The following BST1 variants were observed in gnomAD, a reference collection of about 807,000 sequenced individuals.
BST1 encodes the protein bone marrow stromal cell antigen 1.
A neutral mutation model predicts 40.6 loss-of-function variants in BST1; 49 were observed. That is an observed-to-expected ratio of 1.21 (90% CI 0.96 to 1.53). The LOEUF is 1.53. BST1 is among the 40% of genes most tolerant of loss of function. The pLI, the probability that BST1 is intolerant of heterozygous loss-of-function variation, is 0.00. For missense variants in BST1, 423 were observed against 395.9 expected (o/e 1.07, Z -0.58); for synonymous variants, 157 against 159.3 (o/e 0.99, Z 0.11).
At chr4:15,703,375 A>G (rs1217591931) in intron 1 of BST1, 43 bp downstream of exon 1, 3 of 1,456,680 alleles carry the variant, frequency 2.1e-6, no homozygotes, top group African/African-American at 1.5e-5. Context: ...GAAAGAGGCA[A>G]CGGTGGGGAG....
At chr4:15,706,376 T>C (rs1719882083) in intron 2 of BST1, among the ~76,000 whole-genome samples, 1 of 152,198 alleles carries the variant, frequency 6.6e-6, no homozygotes, top group African/African-American at 2.4e-5. Context: ...CCTTGAGTAA[T>C]TCAGAAAACT....
downstream of BST1, among the ~76,000 whole-genome samples, chr4:15,733,456 T>A (rs1262125797): frequency 6.6e-6 from 1 of 152,118 alleles, no homozygotes; most frequent in Non-Finnish European, 1.5e-5. Context: ...GCATTTACAA[T>A]CCTTTAGCTA....
intron 8 of BST1, among the ~76,000 whole-genome samples, chr4:15,726,696 A>G (rs1438609912): frequency 6.6e-6 from 1 of 152,034 alleles, no homozygotes; most frequent in Admixed American, 6.6e-5. Context: ...CAGACTGTCA[A>G]CCTATACAGA....
rs1721421732 is a variant in BST1 at position 15,732,582 on chromosome 4, T to G, written c.*737T>G. The G allele has an allele frequency of 6.6e-6, 1 of 152,224 alleles. No individual in the cohort carries two copies. The highest frequency in any genetic ancestry group is 2.4e-5 in the African/African-American group (1 of 41,430). 9.4% of individuals were successfully genotyped at this position (152,224 alleles called of 1,614,324 possible). A position where few individuals can be genotyped will look rare whatever the true frequency, so the allele number is the denominator to read the frequency against. ...ATCCACCCACCTCAGCCTCCCAAAG[T>G]GCTAGGATTACAGGCGTGAGCCACC... On this transcript the variant is annotated 3_prime_UTR_variant, in exon 9 of 9. Coordinates refer to ENST00000265016, the MANE Select transcript of BST1 (RefSeq NM_004334.3).
chr4:15,768,396 AAG>A, the BST1 span, among the ~76,000 whole-genome samples: 1 of 152,086 alleles, frequency 6.6e-6, no homozygotes, highest in African/African-American at 2.4e-5. Flanking sequence ...TCCATGGAAG[AAG>A]AGAGTTTGAA....
the BST1 span, among the ~76,000 whole-genome samples, chr4:15,761,249 G>A: frequency 6.6e-6 from 1 of 151,694 alleles, no homozygotes; most frequent in South Asian, 2.1e-4. Context: ...TTTCTCCATG[G>A]GCATATAGTT....
the BST1 span, among the ~76,000 whole-genome samples, chr4:15,753,356 A>G: frequency 5.3e-5 from 8 of 152,198 alleles, no homozygotes; most frequent in African/African-American, 1.9e-4. Context: ...GCGGTCTGGA[A>G]AAGGGAGAAG....
At chr4:15,754,199 C>A in the BST1 span, among the ~76,000 whole-genome samples, 3 of 152,096 alleles carry the variant, frequency 2.0e-5, no homozygotes, top group Non-Finnish European at 4.4e-5. Context: ...ATGTGATAAT[C>A]CCCACGAAGA....
chr4:15,716,285 G>A (rs1268588896), intron 6 of BST1, among the ~76,000 whole-genome samples: 1 of 152,210 alleles, frequency 6.6e-6, no homozygotes, highest in Non-Finnish European at 1.5e-5. Flanking sequence ...GAGTTTACAT[G>A]TAAATGCAAA....
At chr4:15,728,210 T>C (rs1325064453) in intron 8 of BST1, among the ~76,000 whole-genome samples, 1 of 152,104 alleles carries the variant, frequency 6.6e-6, no homozygotes, top group Non-Finnish European at 1.5e-5. Flanking sequence ...TCATCTCTAC[T>C]TGTTTAGGAA....
intron 2 of BST1, 95 bp downstream of exon 2, chr4:15,705,736 C>T: frequency 6.8e-7 from 1 of 1,467,094 alleles, no homozygotes; most frequent in Non-Finnish European, 9.5e-7. Flanking sequence ...TCCCCTGCAT[C>T]CTGCAATGTC....
chr4:15,748,125 A>C, the BST1 span, among the ~76,000 whole-genome samples: 1 of 152,112 alleles, frequency 6.6e-6, no homozygotes, highest in South Asian at 2.1e-4. Context: ...ATTCTTTCTT[A>C]TCCAGCCTTG....
In BST1 at chr4:15,703,267, A is replaced by C; in HGVS notation, c.123A>C (p.Ala41=). 6.5e-7 allele frequency: 1 copy of C among 1,539,098 alleles called. No homozygotes were observed. Among genetic ancestry groups the C allele is most frequent in the Non-Finnish European group, 8.7e-7 (1 of 1,146,882 alleles). The change falls in exon 1 of 9, where the codon GCA becomes GCC. Residue 41 remains alanine, a synonymous_variant. Coordinates refer to ENST00000265016, the MANE Select transcript of BST1 (RefSeq NM_004334.3). ...RARWRGEGTS[A]HLRDIFLGRC... ...GGTGGCGCGGGGAGGGCACCAGCGC[A>C]CACTTGCGGGACATCTTCCTGGGCC... is the stretch of plus-strand genomic sequence containing the variant.
intron 7 of BST1, among the ~76,000 whole-genome samples, chr4:15,721,108 C>T (rs1170258414): frequency 6.6e-6 from 1 of 152,136 alleles, no homozygotes; most frequent in East Asian, 1.9e-4. Context: ...CTTTATTGCC[C>T]ATAGGCTGTT....
chr4:15,707,676 T>C, intron 3 of BST1, 30 bp downstream of exon 3: 1 of 1,611,190 alleles, frequency 6.2e-7, no homozygotes, highest in Non-Finnish European at 8.5e-7. Flanking sequence ...CACAGGAGAC[T>C]TAAGAACTCC....
At chr4:15,704,375 GGT>G (rs774397261) in intron 1 of BST1, among the ~76,000 whole-genome samples, 4 of 144,924 alleles carry the variant, frequency 2.8e-5, no homozygotes, top group Admixed American at 6.9e-5. Context: ...AGAAGTGAGA[GGT>G]GTGTGTGTTC....
downstream of BST1, among the ~76,000 whole-genome samples, chr4:15,741,407 CAGAT>C (rs1721738594): frequency 6.6e-6 from 1 of 152,140 alleles, no homozygotes; most frequent in Non-Finnish European, 1.5e-5. Context: ...AAAGCTGAGG[CAGAT>C]GGATGGGGAA....
chr4:15,761,687 T>G, the BST1 span, among the ~76,000 whole-genome samples: 1 of 151,964 alleles, frequency 6.6e-6, no homozygotes, highest in African/African-American at 2.4e-5. Context: ...GATAAATTAT[T>G]CTTATGTGAT....
the BST1 span, among the ~76,000 whole-genome samples, chr4:15,764,462 A>G: frequency 3.8e-4 from 58 of 152,048 alleles, no homozygotes; most frequent in East Asian, 0.01. Context: ...GGAAAGTGTA[A>G]TTGTCCTAGG....
Sources: allele counts gnomAD v4.1 joint callset (sites outside exome capture counted in the v4.1 genomes callset), GRCh38; gene constraint gnomAD v4.1.1; transcripts MANE v1.5; gene names NCBI Gene and HGNC (gene_info 2026-07-23, HGNC 2026-07-21).